The following NRXN3 variants were observed in gnomAD, a reference collection of about 807,000 sequenced individuals.
The protein encoded by NRXN3 is neurexin III.
NRXN3 carries 32 observed loss-of-function variants against 137.6 expected under a neutral mutation model. The observed-to-expected ratio is 0.23, with a 90% CI of 0.18 to 0.31. The LOEUF (loss-of-function observed/expected upper bound fraction) is 0.31, where lower values mean the gene tolerates loss of function less well. Among genes scored for constraint, NRXN3 ranks in the 10% least tolerant of loss-of-function variants. The pLI is 1.00. For missense variants in NRXN3, 1,574 were observed against 2,062.5 expected, an observed-to-expected ratio of 0.76 and a Z score of 4.59; for synonymous variants, 798 against 784.5, an observed-to-expected ratio of 1.02 and a Z score of -0.29.
chr14:79,782,282 C>T (rs2099116201), intron 19 of NRXN3, among the ~76,000 whole-genome samples: 1 of 152,166 alleles, frequency 6.6e-6, no homozygotes, highest in Non-Finnish European at 1.5e-5. Context: ...AACCAGAAGT[C>T]TATTACTTTT....
chr14:78,892,114 TA>T (rs2099160658), intron 10 of NRXN3, among the ~76,000 whole-genome samples: 1 of 151,930 alleles, frequency 6.6e-6, no homozygotes, highest in African/African-American at 2.4e-5. Context: ...ATACACCTGC[TA>T]AATGAGAAAC....
chr14:79,637,822 T>C (rs757321532), intron 16 of NRXN3, among the ~76,000 whole-genome samples: 13 of 143,336 alleles, frequency 9.1e-5, no homozygotes, highest in Non-Finnish European at 1.6e-4. Context: ...CTCCACCTCC[T>C]GGGTTCAAGC....
rs2153452955 is a variant in NRXN3 at position 78,242,734 on chromosome 14, CCTT to C, written c.-359_-357del. The C allele has an allele frequency of 4.3e-6, 1 of 230,194 alleles. No homozygotes were observed. The highest frequency in any genetic ancestry group is 2.3e-5 in the African/African-American group (1 of 44,136). 14.3% of individuals were successfully genotyped at this position (230,194 alleles called of 1,614,324 possible). A position where few individuals can be genotyped will look rare whatever the true frequency, so the allele number is the denominator to read the frequency against. On this transcript the variant is annotated 5_prime_UTR_variant, in exon 2 of 21. Coordinates refer to ENST00000335750, the MANE Select transcript of NRXN3 (RefSeq NM_001330195.2). ...TTCCTACTCTCCTGCACCTTCTCCT[CCTT>C]GAGTCAAGGCCTCCGGATCCACATG...
intron 15 of NRXN3, among the ~76,000 whole-genome samples, chr14:79,079,757 A>G (rs2046601884): frequency 6.6e-6 from 1 of 152,178 alleles, no homozygotes; most frequent in Admixed American, 6.5e-5. Flanking sequence ...TGGGAGGCCG[A>G]GGCGGGTGGA....
At chr14:79,071,884 G>C (rs549713896) in intron 15 of NRXN3, among the ~76,000 whole-genome samples, 1 of 152,164 alleles carries the variant, frequency 6.6e-6, no homozygotes, top group South Asian at 2.1e-4. Context: ...TTACCCTGAT[G>C]TGATTATTAC....
At chr14:78,779,423 T>C (rs972029218) in intron 8 of NRXN3, among the ~76,000 whole-genome samples, 2 of 152,052 alleles carry the variant, frequency 1.3e-5, no homozygotes, top group Non-Finnish European at 2.9e-5. Context: ...TTTACATTAG[T>C]AACAAAGCAA....
intron 4 of NRXN3, among the ~76,000 whole-genome samples, chr14:78,620,415 C>G (rs2097390966): frequency 6.6e-6 from 1 of 152,172 alleles, no homozygotes; most frequent in Admixed American, 6.5e-5. Flanking sequence ...TCCCTCACGT[C>G]TTTGTTCACA....
At position 78,377,472 on chromosome 14, in the gene NRXN3, C is replaced by T. The variant is rs143991970; in HGVS notation, c.757+79612C>T. Among the ~76,000 whole-genome samples the T allele has an allele frequency of 1.1e-3, 170 of 152,268 alleles. 1 individual carries two copies. Among genetic ancestry groups the T allele is most frequent in the African/African-American group, 3.4e-3 (141 of 41,552 alleles). On this transcript the variant is annotated intron_variant, in intron 4 of 20. Coordinates refer to ENST00000335750, the MANE Select transcript of NRXN3 (RefSeq NM_001330195.2). ...ATGGTTGGAGGCTTCACAGTCTTCT[C>T]AAAATTGGTAATAGGTAATTGGTAA...
chr14:78,698,342 G>A (rs1336029695), intron 6 of NRXN3: 1 of 151,888 alleles, frequency 6.6e-6, no homozygotes, highest in Non-Finnish European at 1.5e-5. Context: ...TTTTGTCTTT[G>A]AGCCTCTCAG....
chr14:78,507,526 A>C (rs2096016458), intron 4 of NRXN3, among the ~76,000 whole-genome samples: 1 of 152,204 alleles, frequency 6.6e-6, no homozygotes, highest in African/African-American at 2.4e-5. Context: ...GATTAGCATG[A>C]GCGACGAGTT....
intron 6 of NRXN3, among the ~76,000 whole-genome samples, chr14:78,679,055 A>G (rs1237235918): frequency 2.0e-5 from 3 of 152,174 alleles, no homozygotes; most frequent in African/African-American, 7.2e-5. Context: ...GCAAAACACA[A>G]CCAAACCCTC....
At chr14:79,572,451 A>G (rs1003427923) in intron 16 of NRXN3, among the ~76,000 whole-genome samples, 2 of 152,226 alleles carry the variant, frequency 1.3e-5, no homozygotes, top group African/African-American at 4.8e-5. Context: ...GAATCCAGAA[A>G]TAATGCATGT....
At position 78,845,056 on chromosome 14, in the gene NRXN3, A is replaced by C. The variant is rs79691356; in HGVS notation, c.2275+34712A>C. On this transcript the variant is annotated intron_variant, in intron 10 of 20. Coordinates refer to ENST00000335750, the MANE Select transcript of NRXN3 (RefSeq NM_001330195.2). ...AAACCAGTGATGTCTGTGATGTCAC[A>C]GGCCTGAAAAAAAAACTGTTGCAAT... 1.0e-3 allele frequency among the ~76,000 whole-genome samples: 155 copies of C among 151,020 alleles called. 4 individuals are homozygous for C. The East Asian group carries it at 0.028, about 28-fold the overall frequency.
At chr14:79,157,607 A>G (rs1487360976) in intron 15 of NRXN3, among the ~76,000 whole-genome samples, 1 of 151,836 alleles carries the variant, frequency 6.6e-6, no homozygotes, top group African/African-American at 2.4e-5. Context: ...GTCTAAGGGA[A>G]TAGTTGCCCT....
At chr14:78,989,369 A>G (rs1167601041) in intron 15 of NRXN3, among the ~76,000 whole-genome samples, 2 of 151,798 alleles carry the variant, frequency 1.3e-5, no homozygotes, top group East Asian at 1.9e-4. Flanking sequence ...GTTTTTTCTC[A>G]GTAGTTTTGG....
intron 4 of NRXN3, among the ~76,000 whole-genome samples, chr14:78,531,892 T>C (rs1376733997): frequency 6.6e-6 from 1 of 152,194 alleles, no homozygotes; most frequent in South Asian, 2.1e-4. Flanking sequence ...TCAGTTAACA[T>C]TTCTGCTTTG....
chr14:79,135,609 C>G (rs2058136901), intron 15 of NRXN3, among the ~76,000 whole-genome samples: 1 of 152,192 alleles, frequency 6.6e-6, no homozygotes, highest in South Asian at 2.1e-4. Flanking sequence ...CTCTCTCCCC[C>G]TTACAAAAGA....
intron 4 of NRXN3, among the ~76,000 whole-genome samples, chr14:78,468,880 G>A (rs2095190558): frequency 6.6e-6 from 1 of 152,112 alleles, no homozygotes; most frequent in South Asian, 2.1e-4. Flanking sequence ...GTGAGGGAGA[G>A]GGAAGAGTCA....
At chr14:79,406,558 C>G (rs537674084) in intron 15 of NRXN3, among the ~76,000 whole-genome samples, 1 of 152,034 alleles carries the variant, frequency 6.6e-6, no homozygotes, top group African/African-American at 2.4e-5. Flanking sequence ...CCTCCTCGGC[C>G]TCTTAAAGTG....
Sources: gnomAD v4.1 joint callset for allele counts (sites outside exome capture counted in the v4.1 genomes callset) on GRCh38, gnomAD v4.1.1 for gene constraint, MANE v1.5 for transcripts, NCBI Gene and HGNC (gene_info 2026-07-23, HGNC 2026-07-21) for gene names.